WWOX: variants seen among roughly 807,000 people sequenced by gnomAD.
The protein encoded by WWOX is WW domain containing oxidoreductase.
WWOX carries 69 observed loss-of-function variants against 46.2 expected under a neutral mutation model. The ratio of observed to expected loss-of-function variants is 1.49; its 90% CI spans 1.23 to 1.82. The LOEUF is 1.82. Ranked by LOEUF, WWOX falls within the 40% of genes most tolerant of loss-of-function variation. The pLI, the probability that WWOX is intolerant of heterozygous loss-of-function variation, is 0.00. For missense variants in WWOX, 919 were observed against 542.6 expected (o/e 1.69, Z -6.89); for synonymous variants, 359 against 202.6 (o/e 1.77, Z -6.56).
intron 8 of WWOX, among the ~76,000 whole-genome samples, chr16:78,433,037 T>G (rs1249951934): frequency 1.3e-5 from 2 of 151,824 alleles, no homozygotes. Context: ...TTTGGTTTTG[T>G]TTTTTTTGGG....
At position 78,693,572 on chromosome 16, in the gene WWOX, G is replaced by C. The variant is rs546701900; in HGVS notation, c.1056+260820G>C. Among the ~76,000 whole-genome samples the C allele has an allele frequency of 5.9e-5, 9 of 152,186 alleles. No individual in the cohort carries two copies. The South Asian group carries it at 1.7e-3, about 28-fold the overall frequency. ...AGTCATAGAGTAGTATTTCAGGTGGGGGGCCCTCCTCTAGGGCAGTGGAGA... is the reference window on the plus strand; with the variant it reads ...AGTCATAGAGTAGTATTTCAGGTGGCGGGCCCTCCTCTAGGGCAGTGGAGA... On this transcript the variant is annotated intron_variant, in intron 8 of 8. Coordinates refer to ENST00000566780, the MANE Select transcript of WWOX (RefSeq NM_016373.4).
chr16:78,902,268 C>G (rs1202277580), intron 8 of WWOX, among the ~76,000 whole-genome samples: 1 of 152,156 alleles, frequency 6.6e-6, no homozygotes, highest in Non-Finnish European at 1.5e-5. Flanking sequence ...CACCAAATGC[C>G]TTTGTATCTT....
intron 5 of WWOX, among the ~76,000 whole-genome samples, chr16:78,376,353 A>T (rs866610387): frequency 2.0e-5 from 3 of 152,166 alleles, no homozygotes; most frequent in African/African-American, 7.2e-5. Flanking sequence ...TTTTAGGAAA[A>T]GTTGCACGAT....
intron 8 of WWOX, among the ~76,000 whole-genome samples, chr16:78,433,411 G>C (rs8043887): frequency 0.031 from 4,763 of 152,224 alleles, 227 homozygotes; most frequent in African/African-American, 0.11. Flanking sequence ...CTATGAAATG[G>C]TTTTAGTAGG....
rs1230401685 is a variant in WWOX at position 78,748,111 on chromosome 16, G to C, written c.1056+315359G>C. ...ACTCTGCTCTTTCTCTCCCAGACCG[G>C]ACCCTCCACTCCTCTATCTCGCATT... On this transcript the variant is annotated intron_variant, in intron 8 of 8. Coordinates refer to ENST00000566780, the MANE Select transcript of WWOX (RefSeq NM_016373.4). 4.6e-5 allele frequency among the ~76,000 whole-genome samples: 7 copies of C among 151,956 alleles called. No individual in the cohort carries two copies. In the East Asian group the frequency reaches 1.4e-3, roughly 29 times the overall value.
intron 5 of WWOX, among the ~76,000 whole-genome samples, chr16:78,347,508 A>C (rs2081114618): frequency 1.7e-5 from 2 of 116,114 alleles, no homozygotes; most frequent in African/African-American, 2.9e-5. Flanking sequence ...CCTCCTCGAC[A>C]CCCACACCTC....
At chr16:78,416,665 G>C (rs2082803617) in intron 6 of WWOX, among the ~76,000 whole-genome samples, 1 of 152,172 alleles carries the variant, frequency 6.6e-6, no homozygotes, top group Non-Finnish European at 1.5e-5. Context: ...TGTTGTTATT[G>C]AGAAGTATGA....
At chr16:79,074,769 T>C (rs1021870945) in intron 8 of WWOX, among the ~76,000 whole-genome samples, 1 of 152,026 alleles carries the variant, frequency 6.6e-6, no homozygotes, top group African/African-American at 2.4e-5. Context: ...GCTCAGAAAA[T>C]AGCAAGTTAT....
intron 8 of WWOX, among the ~76,000 whole-genome samples, chr16:78,434,695 T>A (rs138570750): frequency 6.6e-6 from 1 of 152,330 alleles, no homozygotes; most frequent in African/African-American, 2.4e-5. Flanking sequence ...TTTCTCCTTC[T>A]TCCATAAGGT....
intron 8 of WWOX, among the ~76,000 whole-genome samples, chr16:79,022,757 A>G (rs2047559940): frequency 6.6e-6 from 1 of 152,202 alleles, no homozygotes; most frequent in South Asian, 2.1e-4. Context: ...CAAGCCCGGA[A>G]CTGAGGTGGC....
intron 3 of WWOX, among the ~76,000 whole-genome samples, chr16:78,110,497 T>C (rs1395338037): frequency 6.6e-6 from 1 of 152,232 alleles, no homozygotes; most frequent in Non-Finnish European, 1.5e-5. Flanking sequence ...TGTACAGATA[T>C]ACTATAATTT....
At chr16:79,199,016 C>T (rs145914489) in intron 8 of WWOX, among the ~76,000 whole-genome samples, 75 of 152,238 alleles carry the variant, frequency 4.9e-4, no homozygotes, top group Non-Finnish European at 8.4e-4. Flanking sequence ...TGCTCTTTGA[C>T]CTAGGCAGAA....
chr16:78,936,369 C>A (rs968255097), intron 8 of WWOX, among the ~76,000 whole-genome samples: 2 of 152,014 alleles, frequency 1.3e-5, no homozygotes, highest in Non-Finnish European at 2.9e-5. Context: ...TTTTGAAGAC[C>A]CCAAAACTAA....
intron 8 of WWOX, among the ~76,000 whole-genome samples, chr16:79,038,991 T>A (rs537173328): frequency 6.6e-6 from 1 of 152,346 alleles, no homozygotes; most frequent in African/African-American, 2.4e-5. Context: ...AGCTAATGTC[T>A]GCCACAAATG....
intron 8 of WWOX, among the ~76,000 whole-genome samples, chr16:78,537,023 T>TATCAGGCTTC (rs2043775752): frequency 6.6e-6 from 1 of 151,726 alleles, no homozygotes; most frequent in Non-Finnish European, 1.5e-5. Context: ...TTCAAGCAAT[T>TATCAGGCTTC]ATCAGGCCTC....
intron 8 of WWOX, among the ~76,000 whole-genome samples, chr16:78,546,943 A>G (rs2044047365): frequency 6.6e-6 from 1 of 151,898 alleles, no homozygotes; most frequent in Non-Finnish European, 1.5e-5. Context: ...TCTGGGCAAC[A>G]TGGTGAAACC....
intron 5 of WWOX, among the ~76,000 whole-genome samples, chr16:78,362,996 C>T (rs2081444523): frequency 6.6e-6 from 1 of 152,192 alleles, no homozygotes; most frequent in Non-Finnish European, 1.5e-5. Flanking sequence ...ATATTCAAGT[C>T]TTCAGTTCCA....
chr16:79,166,822 C>A (rs1597439026), intron 8 of WWOX, among the ~76,000 whole-genome samples: 1 of 152,148 alleles, frequency 6.6e-6, no homozygotes, highest in African/African-American at 2.4e-5. Context: ...GAATAAAGAC[C>A]AGTTGAACAA....
chr16:78,453,006 C>T (rs902847054), intron 8 of WWOX, among the ~76,000 whole-genome samples: 50 of 151,704 alleles, frequency 3.3e-4, no homozygotes, highest in Admixed American at 1.3e-4. Context: ...CTCAGCCTCC[C>T]GAGTAGCTGG....
Sources: gnomAD v4.1 joint callset for allele counts (sites outside exome capture counted in the v4.1 genomes callset) on GRCh38, gnomAD v4.1.1 for gene constraint, MANE v1.5 for transcripts, NCBI Gene and HGNC (gene_info 2026-07-23, HGNC 2026-07-21) for gene names.